RAPGEF1: variants seen among roughly 807,000 people sequenced by gnomAD.
The protein encoded by RAPGEF1 is CRK SH3-binding GNRP.
In RAPGEF1, 33 loss-of-function variants were observed where a neutral mutation model predicts 143.3. That is an observed-to-expected ratio of 0.23 (90% CI 0.17 to 0.31). RAPGEF1 has a LOEUF of 0.31. Ranked by LOEUF, RAPGEF1 falls within the 10% of genes least tolerant of loss-of-function variation. The pLI, the probability that RAPGEF1 is intolerant of heterozygous loss-of-function variation, is 1.00. For missense variants in RAPGEF1, 1,199 were observed against 1,645.4 expected, an observed-to-expected ratio of 0.73 and a Z score of 4.69; for synonymous variants, 629 against 676.5, an observed-to-expected ratio of 0.93 and a Z score of 1.09.
intron 1 of RAPGEF1, among the ~76,000 whole-genome samples, chr9:131,671,364 G>T (rs1831360419): frequency 6.6e-6 from 1 of 152,246 alleles, no homozygotes; most frequent in South Asian, 2.1e-4. Flanking sequence ...GCAGAGATCG[G>T]TCTTTTCCAA....
rs1332471423 is a variant in RAPGEF1, at chr9:131,679,904, T to C, written c.62-28955A>G. On this transcript the variant is annotated intron_variant, in intron 1 of 26. Transcript: ENST00000683357. ...GAGGGAGTCAGCTGGCAAGAGGAGTTAGAAGTGGGAAGCGAGTCACAGGCC... is the reference window on the plus strand; with the variant it reads ...GAGGGAGTCAGCTGGCAAGAGGAGTCAGAAGTGGGAAGCGAGTCACAGGCC... 2.6e-5 allele frequency among the ~76,000 whole-genome samples: 4 copies of C among 152,268 alleles called. 1 individual carries two copies. The highest frequency in any genetic ancestry group is 4.1e-4 in the South Asian group (2 of 4,828).
At chr9:131,687,538 A>G (rs1423749755) in intron 1 of RAPGEF1, among the ~76,000 whole-genome samples, 2 of 152,118 alleles carry the variant, frequency 1.3e-5, no homozygotes, top group Non-Finnish European at 2.9e-5. Context: ...GTCTGTTCTC[A>G]ACTGAGCATG....
At chr9:131,705,019 A>T (rs1054632332) in intron 1 of RAPGEF1, among the ~76,000 whole-genome samples, 1 of 152,248 alleles carries the variant, frequency 6.6e-6, no homozygotes, top group Admixed American at 6.5e-5. Context: ...TGTGGGATAG[A>T]GGAAGGTGTA....
intron 1 of RAPGEF1, among the ~76,000 whole-genome samples, chr9:131,682,477 G>A (rs951687140): frequency 6.6e-6 from 1 of 152,252 alleles, no homozygotes; most frequent in Admixed American, 6.5e-5. Context: ...ACAGGAGTCT[G>A]TGGACCCTTG....
intron 12 of RAPGEF1, among the ~76,000 whole-genome samples, chr9:131,615,139 C>T (rs1958738258): frequency 6.6e-6 from 1 of 152,252 alleles, no homozygotes; most frequent in Non-Finnish European, 1.5e-5. Context: ...GTGGCGCGAT[C>T]TCCACTCACC....
intron 17 of RAPGEF1, among the ~76,000 whole-genome samples, chr9:131,592,456 C>T (rs1434454870): frequency 6.6e-6 from 1 of 152,190 alleles, no homozygotes; most frequent in Non-Finnish European, 1.5e-5. Context: ...CACTTTCTAC[C>T]GATGATGGTG....
intron 22 of RAPGEF1, among the ~76,000 whole-genome samples, chr9:131,586,281 CA>C: frequency 1.4e-5 from 2 of 144,700 alleles, no homozygotes; most frequent in Non-Finnish European, 3.0e-5. Flanking sequence ...CACACACACA[CA>C]CACCTGCAGA....
rs540847207 is a variant in RAPGEF1, at chr9:131,737,691, G to A, written c.61+2079C>T. ...CTTTTTTTAAAAAAAGAGGCCCAGC[G>A]CGGTGGCTCACGCATGTAATCCCAA... On this transcript the variant is annotated intron_variant, in intron 1 of 26. Transcript: ENST00000683357. Among the ~76,000 whole-genome samples the A allele has an allele frequency of 2.0e-5, 3 of 152,206 alleles. No homozygotes were observed. In the East Asian group the frequency reaches 5.8e-4, roughly 29 times the overall value.
intron 1 of RAPGEF1, among the ~76,000 whole-genome samples, chr9:131,673,378 G>C (rs1446924717): frequency 6.6e-6 from 1 of 152,188 alleles, no homozygotes; most frequent in African/African-American, 2.4e-5. Flanking sequence ...TGGCCTGCTA[G>C]GAGCAGGCCC....
Position 131,641,744 on chromosome 9 carries a change from A to G in RAPGEF1, c.494+1495T>C, listed in dbSNP as rs1397675435. 6.6e-6 allele frequency among the ~76,000 whole-genome samples: 1 copy of G among 152,208 alleles called. No homozygotes were observed. Among genetic ancestry groups the G allele is most frequent in the African/African-American group, 2.4e-5 (1 of 41,452 alleles). On this transcript the variant is annotated intron_variant, in intron 4 of 26. Coordinates refer to ENST00000683357, the MANE Select transcript of RAPGEF1 (RefSeq NM_001377935.1). This position sits in a 1 kb window ranked among gnomAD's most constrained non-coding sequence, Gnocchi z 4.6. The stretch of plus-strand genomic sequence containing the variant: ...GAACACTTCTAAGAGCCGGAGCTGG[A>G]CTGACTCTGGGAAAGACAGTGAAGA...
At chr9:131,733,368 G>C (rs867366477) in intron 1 of RAPGEF1, among the ~76,000 whole-genome samples, 8,715 of 119,620 alleles carry the variant, frequency 0.073, 525 homozygotes, top group East Asian at 0.32. Flanking sequence ...GCGGGGGCGG[G>C]GGGGGGGGTG....
At chr9:131,651,321 C>T (rs1012188341) in intron 1 of RAPGEF1, among the ~76,000 whole-genome samples, 1 of 152,158 alleles carries the variant, frequency 6.6e-6, no homozygotes, top group Non-Finnish European at 1.5e-5. Context: ...AAAGGAAGGC[C>T]CTTTCGCATC....
At chr9:131,643,625 T>C (rs1157940199) in intron 3 of RAPGEF1, among the ~76,000 whole-genome samples, 1 of 152,166 alleles carries the variant, frequency 6.6e-6, no homozygotes, top group African/African-American at 2.4e-5. Context: ...TGGACCAAGA[T>C]AGCTCATTCA....
intron 1 of RAPGEF1, among the ~76,000 whole-genome samples, chr9:131,738,941 G>A (rs1837581098): frequency 6.6e-6 from 1 of 152,174 alleles, no homozygotes. Context: ...CCGGGGTTAT[G>A]ACCACAGGGC....
rs1176646751 is a variant in RAPGEF1, at chr9:131,589,997, A to G, written c.2775-19T>C. On this transcript the variant is annotated intron_variant, in intron 18 of 26. Transcript: ENST00000683357. ...CTCATATGTGGAGCACGGGTTAAAG[A>G]AATAGCCATGTGGTCGGCTGAGGGT... 1.2e-6 allele frequency: 2 copies of G among 1,609,066 alleles called. No individual in the cohort carries two copies. The highest frequency in any genetic ancestry group is 2.7e-5 in the African/African-American group (2 of 74,882).
chr9:131,618,723 T>C (rs1959665344), intron 12 of RAPGEF1, among the ~76,000 whole-genome samples: 1 of 152,220 alleles, frequency 6.6e-6, no homozygotes, highest in South Asian at 2.1e-4. Context: ...TATATTCCTT[T>C]TTAATCCTGG....
chr9:131,707,176 G>A (rs917216156), intron 1 of RAPGEF1, among the ~76,000 whole-genome samples: 6 of 152,168 alleles, frequency 3.9e-5, no homozygotes, highest in Middle Eastern at 3.2e-3. Context: ...CAGCCCACAC[G>A]GTGCTGAATT....
intron 1 of RAPGEF1, among the ~76,000 whole-genome samples, chr9:131,729,512 T>C (rs1450905621): frequency 6.6e-6 from 1 of 152,238 alleles, no homozygotes; most frequent in Non-Finnish European, 1.5e-5. Flanking sequence ...CATAAATCTG[T>C]AGGCAGATGT....
chr9:131,603,290 T>C (rs937779367), intron 14 of RAPGEF1, among the ~76,000 whole-genome samples: 2 of 152,096 alleles, frequency 1.3e-5, no homozygotes, highest in African/African-American at 2.4e-5. Context: ...CCTGGGCTCA[T>C]GGGGGGAGCA....
Sources: gnomAD v4.1 joint callset for allele counts (sites outside exome capture counted in the v4.1 genomes callset) on GRCh38, gnomAD v4.1.1 for gene constraint, Gnocchi (gnomAD v3.1) non-coding constraint, MANE v1.5 for transcripts, NCBI Gene and HGNC (gene_info 2026-07-23, HGNC 2026-07-21) for gene names.